Variants in CYREN observed in about 807,000 individuals in gnomAD.
CYREN encodes cell cycle regulator of NHEJ.
CYREN carries 7 observed loss-of-function variants against 9.7 expected under a neutral mutation model. The ratio of observed to expected loss-of-function variants is 0.72; its 90% CI spans 0.41 to 1.36. The LOEUF (loss-of-function observed/expected upper bound fraction) is 1.36. CYREN is among the 40% of genes most tolerant of loss of function. The probability of loss-of-function intolerance (pLI) is 0.01; values close to 1 mark genes in which losing one functional copy is unlikely to be tolerated. For synonymous variants in CYREN, 76 were observed against 77.9 expected, an observed-to-expected ratio of 0.98 and a Z score of 0.13; for missense variants, 215 against 198.1, an observed-to-expected ratio of 1.09 and a Z score of -0.51.
chr7:135,146,548 T>C (rs1276811527), intron 2 of CYREN, among the ~76,000 whole-genome samples: 1 of 152,132 alleles, frequency 6.6e-6, no homozygotes, highest in Non-Finnish European at 1.5e-5. Context: ...TAAAATAAAG[T>C]ATACCTGTGC....
intron 2 of CYREN, among the ~76,000 whole-genome samples, chr7:135,123,842 C>T (rs1268032417): frequency 1.3e-5 from 2 of 152,134 alleles, no homozygotes; most frequent in African/African-American, 2.4e-5. Context: ...CAAGCAAATA[C>T]TGAGGGGTTT....
chr7:135,158,784 G>A (rs377183308), intron 2 of CYREN, among the ~76,000 whole-genome samples: 3 of 152,214 alleles, frequency 2.0e-5, no homozygotes, highest in South Asian at 2.1e-4. Context: ...TCCCAGGGGT[G>A]CATGGGAGCA....
chr7:135,114,765 A>G (rs1197764019), intron 2 of CYREN, among the ~76,000 whole-genome samples: 2 of 152,102 alleles, frequency 1.3e-5, no homozygotes, highest in African/African-American at 4.8e-5. Flanking sequence ...GCCTCTCTTC[A>G]ATCTGTTCTC....
chr7:135,134,004 C>A (rs2117368524), intron 2 of CYREN, among the ~76,000 whole-genome samples: 1 of 151,828 alleles, frequency 6.6e-6, no homozygotes, highest in African/African-American at 2.4e-5. Context: ...TTCCTTTATG[C>A]AACATTCTTA....
downstream of CYREN, among the ~76,000 whole-genome samples, chr7:135,160,796 G>A (rs1046966604): frequency 2.0e-5 from 3 of 151,904 alleles, no homozygotes; most frequent in Non-Finnish European, 2.9e-5. Context: ...ACTGAAGACT[G>A]TTCCTCAGAG....
At chr7:135,139,359 T>C (rs553477893) in intron 2 of CYREN, among the ~76,000 whole-genome samples, 47 of 152,104 alleles carry the variant, frequency 3.1e-4, no homozygotes, top group Non-Finnish European at 5.4e-4. Context: ...TTTTTTCATA[T>C]GCTTGTTGGC....
chr7:135,144,149 G>C (rs1231387645), intron 2 of CYREN, among the ~76,000 whole-genome samples: 1 of 152,200 alleles, frequency 6.6e-6, no homozygotes, highest in East Asian at 1.9e-4. Flanking sequence ...AGTGGGCTGG[G>C]AATACTGGAT....
At chr7:135,096,586 T>TAGATAGATAGAC (rs1357467962) in intron 2 of CYREN, among the ~76,000 whole-genome samples, 6 of 66,132 alleles carry the variant, frequency 9.1e-5, no homozygotes, top group African/African-American at 2.1e-4. Context: ...GATAGATACA[T>TAGATAGATAGAC]AGATAGATAG....
At chr7:135,125,674 C>T (rs954219410) in intron 2 of CYREN, among the ~76,000 whole-genome samples, 1 of 152,174 alleles carries the variant, frequency 6.6e-6, no homozygotes, top group Non-Finnish European at 1.5e-5. Context: ...AATCCAGCAG[C>T]ATATCAAAAA....
At chr7:135,093,148 A>T (rs1296414731) in exon 3 of CYREN, 1 of 151,874 alleles carries the variant, frequency 6.6e-6, no homozygotes, top group Non-Finnish European at 1.5e-5. Context: ...ATTCACTCTC[A>T]ACACTTCTAT....
At chr7:135,111,230 C>T in intron 2 of CYREN, among the ~76,000 whole-genome samples, 1 of 152,190 alleles carries the variant, frequency 6.6e-6, no homozygotes, top group East Asian at 1.9e-4. Context: ...TGCTCTAGAT[C>T]CCATGTCCAT....
intron 2 of CYREN, among the ~76,000 whole-genome samples, chr7:135,110,752 A>G (rs957064761): frequency 3.9e-5 from 6 of 152,174 alleles, no homozygotes; most frequent in African/African-American, 1.4e-4. Flanking sequence ...TCTCCATGAG[A>G]GCGACAAATG....
chr7:135,099,078 GAAT>G (rs1448498612), intron 2 of CYREN, among the ~76,000 whole-genome samples: 3 of 151,924 alleles, frequency 2.0e-5, no homozygotes, highest in Non-Finnish European at 2.9e-5. Flanking sequence ...AAATAATATA[GAAT>G]AATAAAAATG....
chr7:135,166,974 A>G, intron 3 of CYREN, 103 bp from the exon 4 acceptor site: 1 of 1,531,822 alleles, frequency 6.5e-7, no homozygotes, highest in Admixed American at 1.9e-5. Flanking sequence ...CTACAAAGCC[A>G]ATGTGACCAG....
chr7:135,165,958 T>C lies in CYREN; in HGVS notation c.*653A>G, dbSNP rs1474331852. 1.2e-5 allele frequency: 2 copies of C among 164,186 alleles called. No homozygotes were observed. The highest frequency in any genetic ancestry group is 3.9e-4 in the East Asian group (2 of 5,190). The allele number at this position is 164,186 out of a possible 1,614,324, so 10.2% of individuals were successfully genotyped here. On this transcript the variant is annotated 3_prime_UTR_variant, in exon 4 of 4. Transcript: ENST00000393114. Reference sequence around the variant, plus strand: ...CTGGGCTCCTGTCCCTCTTGCTTTATAGCTAGCTGCCCGGGGACCAAGGTA... The same window carrying C: ...CTGGGCTCCTGTCCCTCTTGCTTTACAGCTAGCTGCCCGGGGACCAAGGTA...
intron 2 of CYREN, among the ~76,000 whole-genome samples, chr7:135,120,358 T>A (rs1244067512): frequency 6.6e-6 from 1 of 152,118 alleles, no homozygotes; most frequent in Non-Finnish European, 1.5e-5. Flanking sequence ...GGAGGTAAGG[T>A]TTGTACTTCA....
chr7:135,167,701 GGTCATGA>G, intron 3 of CYREN, 24 bp downstream of exon 3: 4 of 1,613,018 alleles, frequency 2.5e-6, no homozygotes, highest in Non-Finnish European at 3.4e-6. Context: ...CAGAGTTTCT[GGTCATGA>G]GTAAGAGGCT....
Position 135,160,714 on chromosome 7 carries a change from T to C in CYREN, n.356+8035A>G, listed in dbSNP as rs78821322. On this transcript the variant is annotated intron_variant and non_coding_transcript_variant, in intron 2 of 2. Transcript: ENST00000459937. The stretch of plus-strand genomic sequence containing the variant: ...CATGAAAGAACTCAGGGAGCCTATG[T>C]AGCATTTTCATTCGCTCATTTAAAA... Among the ~76,000 whole-genome samples the C allele has an allele frequency of 2.0e-5, 3 of 148,454 alleles. No homozygotes were observed. The East Asian group carries it at 6.0e-4, about 30-fold the overall frequency.
At chr7:135,142,636 C>A (rs1395426751) in intron 2 of CYREN, among the ~76,000 whole-genome samples, 1 of 152,096 alleles carries the variant, frequency 6.6e-6, no homozygotes, top group Non-Finnish European at 1.5e-5. Context: ...GACTGCAAGA[C>A]ACTAGGTTAA....
Sources: gnomAD v4.1 joint callset for allele counts (sites outside exome capture counted in the v4.1 genomes callset) on GRCh38, gnomAD v4.1.1 for gene constraint, MANE v1.5 for transcripts, NCBI Gene and HGNC (gene_info 2026-07-23, HGNC 2026-07-21) for gene names.